CDH4: variants seen among roughly 807,000 people sequenced by gnomAD.
The protein encoded by CDH4 is cadherin-4.
Under a neutral mutation model 86.0 loss-of-function variants are expected in CDH4, and 33 were observed. That is an observed-to-expected ratio of 0.38 (90% CI 0.29 to 0.51). The LOEUF (loss-of-function observed/expected upper bound fraction) is 0.51, where lower values mean the gene tolerates loss of function less well. CDH4 is among the 20% of genes least tolerant of loss of function. CDH4 has a pLI of 0.86. For synonymous variants in CDH4, 555 were observed against 549.4 expected, an observed-to-expected ratio of 1.01 and a Z score of -0.14; for missense variants, 1,114 against 1,307.4, an observed-to-expected ratio of 0.85 and a Z score of 2.28.
chr20:61,464,360 G>A (rs1397395487), intron 2 of CDH4, among the ~76,000 whole-genome samples: 2 of 152,168 alleles, frequency 1.3e-5, no homozygotes, highest in African/African-American at 2.4e-5. Context: ...TAAAGAGTGA[G>A]TGTTTGGAGT....
At chr20:61,402,982 G>A (rs1484703965) in intron 2 of CDH4, among the ~76,000 whole-genome samples, 11 of 152,310 alleles carry the variant, frequency 7.2e-5, no homozygotes, top group East Asian at 5.8e-4. Context: ...CCCTTACAGC[G>A]AAGCATCACC....
chr20:61,923,609 C>A lies in CDH4; in HGVS notation c.1533C>A (p.His511Gln), dbSNP rs1183194219. ...AGGCTCCCTACTTCCCCTCAAACCA[C>A]AAGCTGATCCGCCTGGAGGAGGGCG... ...INEAPYFPSN[H>Q]KLIRLEEGVP... The change falls in exon 10 of 16, where the codon CAC becomes CAA. Residue 511 changes from histidine to glutamine, a missense_variant. By Grantham distance (24) the His-to-Gln change is conservative (BLOSUM62 0). Coordinates refer to ENST00000614565, the MANE Select transcript of CDH4 (RefSeq NM_001794.5). 1 of 1,614,156 alleles carries A rather than the reference C, an allele frequency of 6.2e-7. No homozygotes were observed. The highest frequency in any genetic ancestry group is 1.1e-5 in the South Asian group (1 of 91,088).
chr20:61,615,995 C>T (rs79022673), intron 2 of CDH4, among the ~76,000 whole-genome samples: 1,723 of 152,298 alleles, frequency 0.011, 33 homozygotes, highest in African/African-American at 0.039. Flanking sequence ...GCGATGGCCA[C>T]GGGATGAGGG....
intron 2 of CDH4, among the ~76,000 whole-genome samples, chr20:61,316,711 G>A (rs1228528444): frequency 6.6e-6 from 1 of 152,250 alleles, no homozygotes; most frequent in Non-Finnish European, 1.5e-5. Context: ...ATGTGAAAAA[G>A]GATGAAAGTG....
chr20:61,553,036 C>T (rs968064370), intron 2 of CDH4, among the ~76,000 whole-genome samples: 6 of 152,200 alleles, frequency 3.9e-5, no homozygotes, highest in Admixed American at 6.5e-5. Flanking sequence ...GTGGAAACAA[C>T]TCAAATGTCC....
At chr20:61,354,800 C>T (rs960713041) in intron 2 of CDH4, among the ~76,000 whole-genome samples, 9 of 152,212 alleles carry the variant, frequency 5.9e-5, no homozygotes, top group Admixed American at 1.3e-4. Context: ...CACTCCTAGT[C>T]ACACTGTCAT....
At position 61,936,964 on chromosome 20, in the gene CDH4, C is replaced by G. The variant is rs571926050; in HGVS notation, c.*21C>G. On this transcript the variant is annotated 3_prime_UTR_variant, in exon 16 of 16. Transcript: ENST00000614565. ...ATTGACTGACCTCGCATCTTCGGAC[C>G]GAAGTGAGAGCCGTGCTCGGACGCC... The G allele has an allele frequency of 6.5e-7, 1 of 1,541,864 alleles. No individual in the cohort carries two copies. Among genetic ancestry groups the G allele is most frequent in the Non-Finnish European group, 8.8e-7 (1 of 1,140,858 alleles).
intron 4 of CDH4, among the ~76,000 whole-genome samples, chr20:61,784,585 G>A (rs1187738822): frequency 9.9e-6 from 1 of 101,522 alleles, no homozygotes; most frequent in African/African-American, 4.4e-5. Context: ...CCAGTTCCTC[G>A]GGACAGTTCT....
At chr20:61,630,161 T>C (rs933975312) in intron 2 of CDH4, among the ~76,000 whole-genome samples, 14 of 152,186 alleles carry the variant, frequency 9.2e-5, no homozygotes, top group Non-Finnish European at 2.1e-4. Flanking sequence ...CTCTTGGACC[T>C]CAGCCACCAT....
chr20:61,519,877 C>T (rs945424507), intron 2 of CDH4, among the ~76,000 whole-genome samples: 5 of 152,176 alleles, frequency 3.3e-5, no homozygotes, highest in African/African-American at 1.2e-4. Flanking sequence ...AGAAGGGCCT[C>T]GTCATGCCCA....
chr20:61,877,734 G>A (rs1227667209), intron 7 of CDH4, among the ~76,000 whole-genome samples: 2 of 152,142 alleles, frequency 1.3e-5, no homozygotes, highest in African/African-American at 2.4e-5. Flanking sequence ...TGTCTTGTGC[G>A]TGTGAAACAA....
chr20:61,449,310 A>G (rs146023977), intron 2 of CDH4, among the ~76,000 whole-genome samples: 1 of 152,358 alleles, frequency 6.6e-6, no homozygotes, highest in African/African-American at 2.4e-5. Flanking sequence ...CATTGGACCC[A>G]AGGAAAGGGG....
At chr20:61,318,464 C>T (rs751145168) in intron 2 of CDH4, among the ~76,000 whole-genome samples, 4 of 152,110 alleles carry the variant, frequency 2.6e-5, no homozygotes, top group Non-Finnish European at 5.9e-5. Context: ...TTACCCCTTG[C>T]CTCATCTCTT....
At chr20:61,255,738 T>G (rs1223313137) in intron 2 of CDH4, among the ~76,000 whole-genome samples, 1 of 152,216 alleles carries the variant, frequency 6.6e-6, no homozygotes, top group African/African-American at 2.4e-5. Flanking sequence ...ACCGGTTTTG[T>G]GTCCCAGGGA....
chr20:61,329,977 G>A (rs2084563406), intron 2 of CDH4, among the ~76,000 whole-genome samples: 1 of 151,982 alleles, frequency 6.6e-6, no homozygotes, highest in African/African-American at 2.4e-5. Context: ...TGAGGATAAT[G>A]GCTTCTGGCT....
intron 2 of CDH4, among the ~76,000 whole-genome samples, chr20:61,535,769 C>A (rs2085992315): frequency 6.6e-6 from 1 of 152,170 alleles, no homozygotes; most frequent in Admixed American, 6.5e-5. Context: ...GCGTTTGAAT[C>A]CCCTGTACTC....
chr20:61,936,040 G>A lies in CDH4; in HGVS notation c.2545-697G>A, dbSNP rs375700541. Among the ~76,000 whole-genome samples the A allele has an allele frequency of 1.3e-3, 195 of 152,082 alleles. 1 individual carries two copies. In the East Asian group the frequency reaches 0.025, roughly 19 times the overall value. ...AGGTGCTGGCATGGAGGTGGCACCCGCGGGCACTGAGGAGAGGACGGGGCT... is the reference window on the plus strand; with the variant it reads ...AGGTGCTGGCATGGAGGTGGCACCCACGGGCACTGAGGAGAGGACGGGGCT... On this transcript the variant is annotated intron_variant, in intron 15 of 15. Coordinates refer to ENST00000614565, the MANE Select transcript of CDH4 (RefSeq NM_001794.5).
chr20:61,863,200 G>A (rs920489468), intron 6 of CDH4, among the ~76,000 whole-genome samples: 2 of 152,232 alleles, frequency 1.3e-5, no homozygotes, highest in African/African-American at 4.8e-5. Flanking sequence ...AGCCTCCGCT[G>A]TCTCCCCCTT....
chr20:61,882,664 T>C (rs61077213), intron 7 of CDH4, among the ~76,000 whole-genome samples: 7,397 of 152,182 alleles, frequency 0.049, 301 homozygotes, highest in African/African-American at 0.12. Flanking sequence ...CTGTTTTCCC[T>C]GCCGTAGAGA....
Sources: gnomAD v4.1 joint callset for allele counts (sites outside exome capture counted in the v4.1 genomes callset) on GRCh38, gnomAD v4.1.1 for gene constraint, MANE v1.5 for transcripts, NCBI Gene and HGNC (gene_info 2026-07-23, HGNC 2026-07-21) for gene names.